The following SEL1L variants were observed in gnomAD, a reference collection of about 807,000 sequenced individuals.
The protein encoded by SEL1L is SEL1L adaptor subunit of SYVN1 ubiquitin ligase.
Under a neutral mutation model 109.8 loss-of-function variants are expected in SEL1L, and 52 were observed. The observed-to-expected ratio is 0.47, with a 90% CI of 0.38 to 0.60. The LOEUF (loss-of-function observed/expected upper bound fraction) is 0.60. Among genes scored for constraint, SEL1L ranks in the 20% least tolerant of loss-of-function variants. SEL1L has a pLI of 0.00. For missense variants in SEL1L, 749 were observed against 962.2 expected (o/e 0.78, Z 2.93); for synonymous variants, 373 against 339.6 (o/e 1.10, Z -1.08).
rs115727691 is a variant in SEL1L at position 81,517,867 on chromosome 14, A to C, written c.340+8866T>G. On this transcript the variant is annotated intron_variant, in intron 3 of 20. Coordinates refer to ENST00000336735, the MANE Select transcript of SEL1L (RefSeq NM_005065.6). Reference sequence around the variant, plus strand: ...AATTTGAACTCTTTTGAGTTTTGGAAACAGAGTATCTGTAATTGATGGTTT... The same window carrying C: ...AATTTGAACTCTTTTGAGTTTTGGACACAGAGTATCTGTAATTGATGGTTT... Among the ~76,000 whole-genome samples, 1,483 of 152,196 alleles carry C rather than the reference A, an allele frequency of 9.7e-3. 26 individuals are homozygous for C. The highest frequency in any genetic ancestry group is 0.034 in the African/African-American group (1,406 of 41,510).
intron 10 of SEL1L, 65 bp downstream of exon 10, chr14:81,497,827 C>A: frequency 5.5e-6 from 8 of 1,453,542 alleles, no homozygotes; most frequent in Non-Finnish European, 7.5e-6. Flanking sequence ...GTGCTTGCTC[C>A]CGTCCCCCAC....
chr14:81,486,271 G>T lies in SEL1L; in HGVS notation c.1798+18C>A. The T allele has an allele frequency of 6.2e-7, 1 of 1,613,134 alleles. No individual in the cohort carries two copies. The highest frequency in any genetic ancestry group is 8.5e-7 in the Non-Finnish European group (1 of 1,179,382). ...CTCGTACATTCTAAACCTAAGGCAGGACTAAAATGAACCTTACTCTGATCA... is the reference window on the plus strand; with the variant it reads ...CTCGTACATTCTAAACCTAAGGCAGTACTAAAATGAACCTTACTCTGATCA... On this transcript the variant is annotated intron_variant, in intron 17 of 20. Coordinates refer to ENST00000336735, the MANE Select transcript of SEL1L (RefSeq NM_005065.6).
chr14:81,513,716 G>C (rs912432597), intron 3 of SEL1L, among the ~76,000 whole-genome samples: 1 of 152,174 alleles, frequency 6.6e-6, no homozygotes, highest in African/African-American at 2.4e-5. Context: ...CCGGACTAAA[G>C]ACACGGATGT....
At chr14:81,480,927 G>A (rs2139983239) in intron 19 of SEL1L, among the ~76,000 whole-genome samples, 1 of 152,032 alleles carries the variant, frequency 6.6e-6, no homozygotes, top group East Asian at 1.9e-4. Context: ...CATTGTCTTG[G>A]GGTGTAAAAA....
In SEL1L at chr14:81,526,982, T is replaced by A; in HGVS notation, c.109-18A>T. 1 of 1,579,166 alleles carries A rather than the reference T, an allele frequency of 6.3e-7. No homozygotes were observed. The highest frequency in any genetic ancestry group is 8.7e-7 in the Non-Finnish European group (1 of 1,149,030). ...AAAGTAGTCTGAGAATATAAAGTAT[T>A]TTTAGTTATCAACAATGCCAAGACT... On this transcript the variant is annotated intron_variant, in intron 2 of 20. Transcript: ENST00000336735.
intron 1 of SEL1L, among the ~76,000 whole-genome samples, chr14:81,530,415 C>T (rs1227799648): frequency 1.3e-5 from 2 of 152,134 alleles, no homozygotes; most frequent in African/African-American, 4.8e-5. Context: ...CACCTCTGTC[C>T]CGCTGACTCA....
At chr14:81,529,741 C>T (rs1005932418) in intron 1 of SEL1L, among the ~76,000 whole-genome samples, 1 of 152,174 alleles carries the variant, frequency 6.6e-6, no homozygotes, top group Non-Finnish European at 1.5e-5. Flanking sequence ...ACTGGGAAAG[C>T]CTACTCCAGA....
intron 3 of SEL1L, among the ~76,000 whole-genome samples, chr14:81,508,617 G>A (rs573963589): frequency 6.6e-6 from 1 of 152,238 alleles, no homozygotes; most frequent in African/African-American, 2.4e-5. Flanking sequence ...GTGTGGCAGT[G>A]GATGCCTGTA....
chr14:81,517,387 A>T (rs1344371447), intron 3 of SEL1L, among the ~76,000 whole-genome samples: 2 of 152,242 alleles, frequency 1.3e-5, no homozygotes, highest in African/African-American at 4.8e-5. Context: ...AAACGTTACA[A>T]GTTTGAACTG....
chr14:81,487,855 T>C lies in SEL1L; in HGVS notation c.1483A>G (p.Asn495Asp). Residue 495 changes from asparagine (N) to aspartate (D), a missense_variant and splice_region_variant, in exon 15 of 21, where the codon AAT (asparagine) becomes GAT (aspartate). Transcript: ENST00000336735. ...GQLQLGSMYY[N>D]GIGVKRDYKQ... The stretch of plus-strand genomic sequence containing the variant: ...CATCATTAATTCCAGTGTTACTTAC[T>C]ATAGTACATGGAACCAAGCTGTAGC... 6.2e-7 allele frequency: 1 copy of C among 1,613,728 alleles called. No individual in the cohort carries two copies.
In SEL1L at chr14:81,473,265, C is replaced by G. The variant is rs1007426457; in HGVS notation, c.*3707G>C. ...GAAAAACAGCATGTGAGATGATTCC[C>G]TGCACATAACCAAGGAATCCTTTTC... On this transcript the variant is annotated 3_prime_UTR_variant, in exon 21 of 21. Coordinates refer to ENST00000336735, the MANE Select transcript of SEL1L (RefSeq NM_005065.6). 7 of 152,184 alleles carry G rather than the reference C, an allele frequency of 4.6e-5. No individual in the cohort carries two copies. Among genetic ancestry groups the G allele is most frequent in the Non-Finnish European group, 8.8e-5 (6 of 68,016 alleles). 9.4% of individuals were successfully genotyped at this position (152,184 alleles called of 1,614,324 possible).
At chr14:81,479,394 G>A (rs146653295) in intron 20 of SEL1L, 2 of 345,576 alleles carry the variant, frequency 5.8e-6, no homozygotes, top group Non-Finnish European at 1.0e-5. Flanking sequence ...TTAGCGTCAG[G>A]AAGTGTCAAA....
In SEL1L at chr14:81,499,478, AGATT is replaced by A; in HGVS notation, c.868_871del (p.Asn290Ter). 1 of 1,612,444 alleles carries A rather than the reference AGATT, an allele frequency of 6.2e-7. No homozygotes were observed. The highest frequency in any genetic ancestry group is 8.5e-7 in the Non-Finnish European group (1 of 1,179,544). The stretch of plus-strand genomic sequence containing the variant: ...ACTTACCAAAACCATGTGGGCTATT[AGATT>A]GCCCCCAAGAGCTCCAAATGTATAA... On this transcript the variant is annotated frameshift_variant, in exon 8 of 21. Transcript: ENST00000336735. LOFTEE classifies it high-confidence loss of function.
At position 81,476,881 on chromosome 14, in the gene SEL1L, G is replaced by C; in HGVS notation, c.*91C>G. 2.3e-6 allele frequency: 3 copies of C among 1,309,342 alleles called. No homozygotes were observed. Among genetic ancestry groups the C allele is most frequent in the Non-Finnish European group, 3.2e-6 (3 of 942,736 alleles). The allele number at this position is 1,309,342 out of a possible 1,614,324, so 81.1% of individuals were successfully genotyped here. Reference sequence around the variant, plus strand: ...TTGTGCCGTGCCTCTTCTGGGAGGTGACCACTGATCCAAGGTCCTAAATCA... The same window carrying C: ...TTGTGCCGTGCCTCTTCTGGGAGGTCACCACTGATCCAAGGTCCTAAATCA... On this transcript the variant is annotated 3_prime_UTR_variant, in exon 21 of 21. Transcript: ENST00000336735.
chr14:81,532,173 T>A (rs1003586693), intron 1 of SEL1L, among the ~76,000 whole-genome samples: 1 of 152,246 alleles, frequency 6.6e-6, no homozygotes, highest in African/African-American at 2.4e-5. Flanking sequence ...GCACAATTCC[T>A]ATGCTTTAAT....
Position 81,477,055 on chromosome 14 carries a change from C to T in SEL1L, c.2302G>A (p.Asp768Asn), listed in dbSNP as rs1903183248. 2 of 1,614,160 alleles carry T rather than the reference C, an allele frequency of 1.2e-6. No homozygotes were observed. The highest frequency in any genetic ancestry group is 1.7e-6 in the Non-Finnish European group (2 of 1,180,038). Residue 768 changes from aspartate (D) to asparagine (N), a missense_variant, in exon 21 of 21, where the codon GAC becomes AAC. Around this residue, in one of 2 missense-constraint regions of SEL1L, gnomAD observed 383 missense variants for 562.5 expected, o/e 0.68. Coordinates refer to ENST00000336735, the MANE Select transcript of SEL1L (RefSeq NM_005065.6). ...CCTGGAGGCCTGGGTGCAGGCATGTCTTGGTGCTGCCTTTGCCTGTAAGCT... is the reference window on the plus strand; with the variant it reads ...CCTGGAGGCCTGGGTGCAGGCATGTTTTGGTGCTGCCTTTGCCTGTAAGCT... ...VIAYRQRQHQ[D>N]MPAPRPPGPR...
Position 81,506,200 on chromosome 14 carries a change from G to A in SEL1L, c.382C>T (p.His128Tyr). Residue 128 changes from histidine to tyrosine, a missense_variant, in exon 4 of 21, where the codon CAC becomes TAC. Physicochemically the swap from His to Tyr is moderately conservative, Grantham distance 83 (BLOSUM62 2). Coordinates refer to ENST00000336735, the MANE Select transcript of SEL1L (RefSeq NM_005065.6). ...TTATCTAGGAAAAGAAAAGGGAAGT[G>A]GCAGGGCTCCCCATGTGCTGTGCCT... is the stretch of plus-strand genomic sequence containing the variant. ...IEGTAHGEPC[H>Y]FPFLFLDKEY... is the part of the protein sequence containing the mutation. 1 of 1,613,264 alleles carries A rather than the reference G, an allele frequency of 6.2e-7. No homozygotes were observed. The highest frequency in any genetic ancestry group is 1.1e-5 in the South Asian group (1 of 90,876).
intron 6 of SEL1L, among the ~76,000 whole-genome samples, 187 bp downstream of exon 6, chr14:81,502,534 A>C (rs1884057747): frequency 1.3e-5 from 2 of 152,230 alleles, no homozygotes; most frequent in South Asian, 4.1e-4. Context: ...AATGTCTTCC[A>C]TGACCATAAA....
At chr14:81,507,661 T>TAAA (rs5810039) in intron 3 of SEL1L, among the ~76,000 whole-genome samples, 8 of 146,002 alleles carry the variant, frequency 5.5e-5, no homozygotes, top group African/African-American at 2.0e-4. Flanking sequence ...CAGTTACAGC[T>TAAA]AAAAAAAAAA....
Sources: allele counts gnomAD v4.1 joint callset (sites outside exome capture counted in the v4.1 genomes callset), GRCh38; gene constraint gnomAD v4.1.1; regional missense constraint gnomAD v4.1.1; transcripts MANE v1.5; gene names NCBI Gene and HGNC (gene_info 2026-07-23, HGNC 2026-07-21).